The following FAM167A variants were observed in gnomAD, a reference collection of about 807,000 sequenced individuals.
The protein encoded by FAM167A is protein FAM167A.
Under a neutral mutation model 14.9 loss-of-function variants are expected in FAM167A, and 23 were observed. The observed-to-expected ratio is 1.55, with a 90% CI of 1.11 to 2.19. The LOEUF (loss-of-function observed/expected upper bound fraction) is 2.19, where lower values mean the gene tolerates loss of function less well. Among genes scored for constraint, FAM167A ranks in the 30% most tolerant of loss-of-function variants. The pLI is 0.00. For missense variants in FAM167A, 401 were observed against 281.5 expected, an observed-to-expected ratio of 1.42 and a Z score of -3.04; for synonymous variants, 174 against 117.7, an observed-to-expected ratio of 1.48 and a Z score of -3.10.
Position 11,440,252 on chromosome 8 carries a change from CG to C in FAM167A, c.381+3778del, listed in dbSNP as rs568468710. On this transcript the variant is annotated intron_variant, in intron 2 of 2. Coordinates refer to ENST00000284486, the MANE Select transcript of FAM167A (RefSeq NM_053279.3). Reference sequence around the variant, plus strand: ...GAGCCACACATCTCCAGCTCCGCCCCGGGGAGCCCAAGGTCAGGCCGTCTTA... The same window carrying C: ...GAGCCACACATCTCCAGCTCCGCCCCGGGAGCCCAAGGTCAGGCCGTCTTA... Among the ~76,000 whole-genome samples, 147 of 152,316 alleles carry C rather than the reference CG, an allele frequency of 9.7e-4. 1 individual carries two copies. Among genetic ancestry groups the C allele is most frequent in the Non-Finnish European group, 1.7e-3 (113 of 68,018 alleles).
At chr8:11,425,276 G>A (rs1209581651) in intron 2 of FAM167A, among the ~76,000 whole-genome samples, 1 of 152,162 alleles carries the variant, frequency 6.6e-6, no homozygotes, top group African/African-American at 2.4e-5. Flanking sequence ...GTGAAGTGAT[G>A]TCACCATCAT....
intron 2 of FAM167A, among the ~76,000 whole-genome samples, chr8:11,433,265 C>T (rs1448763484): frequency 6.6e-6 from 1 of 152,078 alleles, no homozygotes; most frequent in Non-Finnish European, 1.5e-5. Context: ...GCACAAGGAG[C>T]AACTCTATGA....
chr8:11,468,600 C>G (rs1807859338), upstream of FAM167A, among the ~76,000 whole-genome samples: 1 of 111,016 alleles, frequency 9.0e-6, no homozygotes, highest in Non-Finnish European at 2.3e-5. Flanking sequence ...CTGTTTCTGA[C>G]CACAGCCCCG....
At chr8:11,461,191 C>T (rs946082638) in intron 1 of FAM167A, among the ~76,000 whole-genome samples, 6 of 152,192 alleles carry the variant, frequency 3.9e-5, no homozygotes, top group Admixed American at 2.0e-4. Flanking sequence ...GACGCCCAGT[C>T]GCTGGTGTGT....
chr8:11,455,608 G>A (rs992650196), intron 1 of FAM167A, among the ~76,000 whole-genome samples: 35 of 146,286 alleles, frequency 2.4e-4, no homozygotes, highest in Non-Finnish European at 4.9e-4. Context: ...TCACCTGAGT[G>A]TGAGTGTGCA....
At chr8:11,431,921 G>T (rs1246970274) in intron 2 of FAM167A, among the ~76,000 whole-genome samples, 1 of 102,096 alleles carries the variant, frequency 9.8e-6, no homozygotes, top group Admixed American at 8.9e-5. Context: ...AAAAAAAAAG[G>T]ATTTTGTTCT....
intron 1 of FAM167A, among the ~76,000 whole-genome samples, chr8:11,474,933 G>A (rs112840918): frequency 0.011 from 1,743 of 152,176 alleles, 12 homozygotes; most frequent in Non-Finnish European, 0.017. Context: ...AGGGAGAAGG[G>A]AGGCAAAAGG....
At chr8:11,426,016 T>C (rs1231861893) in intron 2 of FAM167A, among the ~76,000 whole-genome samples, 2 of 152,140 alleles carry the variant, frequency 1.3e-5, no homozygotes, top group African/African-American at 4.8e-5. Context: ...AAAAGAGATA[T>C]TTACCATCTA....
chr8:11,445,256 C>T (rs573947034), intron 1 of FAM167A: 153 of 985,420 alleles, frequency 1.6e-4, no homozygotes, highest in Middle Eastern at 1.0e-3. Flanking sequence ...AGCCAGCCAG[C>T]AGGGAAACCG....
chr8:11,424,173 A>G lies in FAM167A; in HGVS notation c.*200T>C. On this transcript the variant is annotated 3_prime_UTR_variant, in exon 3 of 3. Transcript: ENST00000284486. ...GCTCTTTGGGTAGTAAGCAAGAGCCAGTCACAGAGACACTGGCATCCACAC... is the reference window on the plus strand; with the variant it reads ...GCTCTTTGGGTAGTAAGCAAGAGCCGGTCACAGAGACACTGGCATCCACAC... The G allele has an allele frequency of 1.6e-6, 1 of 625,412 alleles. No individual in the cohort carries two copies. The allele number at this position is 625,412 out of a possible 1,614,324, so 38.7% of individuals were successfully genotyped here. A position where few individuals can be genotyped will look rare whatever the true frequency, so the allele number is the denominator to read the frequency against.
At chr8:11,462,303 T>C (rs186506215) in intron 1 of FAM167A, among the ~76,000 whole-genome samples, 1 of 152,362 alleles carries the variant, frequency 6.6e-6, no homozygotes, top group Admixed American at 6.5e-5. Context: ...ACTAGTTCTA[T>C]GACCTTGATC....
upstream of FAM167A, among the ~76,000 whole-genome samples, chr8:11,471,441 A>AT (rs1807958229): frequency 6.6e-6 from 1 of 152,096 alleles, no homozygotes; most frequent in Admixed American, 6.5e-5. Flanking sequence ...GCTCAAGGTG[A>AT]TGAGGCCCCC....
intron 2 of FAM167A, among the ~76,000 whole-genome samples, chr8:11,437,447 A>G (rs1806103927): frequency 6.6e-6 from 1 of 152,128 alleles, no homozygotes; most frequent in Non-Finnish European, 1.5e-5. Context: ...GGGATTTATC[A>G]TTTTACAATC....
At chr8:11,449,794 G>A (rs539115233) in intron 1 of FAM167A, among the ~76,000 whole-genome samples, 2 of 152,310 alleles carry the variant, frequency 1.3e-5, no homozygotes, top group Admixed American at 6.5e-5. Context: ...GGCCCACAGC[G>A]GCTCCTTGGA....
At chr8:11,466,778 T>TG (rs1744293131), upstream of FAM167A, 1 of 9,278 alleles carries the variant, frequency 1.1e-4, no homozygotes, top group African/African-American at 2.1e-4. Flanking sequence ...CGGAAAGGAC[T>TG]TTTTTTTTCC....
Position 11,458,536 on chromosome 8 carries a change from C to G in FAM167A, c.-398+8090G>C, listed in dbSNP as rs556037297. ...ATCACCCCTGCCCCAGGAACACTCA[C>G]GACACCTAGAAAGAGACGTTCATTT... is the stretch of plus-strand genomic sequence containing the variant. On this transcript the variant is annotated intron_variant, in intron 1 of 2. Coordinates refer to ENST00000284486, the MANE Select transcript of FAM167A (RefSeq NM_053279.3). Among the ~76,000 whole-genome samples the G allele has an allele frequency of 2.1e-3, 314 of 152,292 alleles. No individual in the cohort carries two copies. The Middle Eastern group carries it at 0.027, about 13-fold the overall frequency.
chr8:11,448,653 T>C (rs1012791397), intron 1 of FAM167A, among the ~76,000 whole-genome samples: 2 of 152,236 alleles, frequency 1.3e-5, no homozygotes, highest in South Asian at 2.1e-4. Flanking sequence ...TAGTGGAGTC[T>C]GTTCTGCCAT....
chr8:11,444,881 C>T (rs939890817), intron 1 of FAM167A, 73 bp from the exon 2 acceptor site: 99 of 969,790 alleles, frequency 1.0e-4, no homozygotes, highest in Non-Finnish European at 1.2e-4. Flanking sequence ...GTCCACTCCA[C>T]AGGAGGGGAA....
At chr8:11,461,865 G>A (rs1405990360) in intron 1 of FAM167A, among the ~76,000 whole-genome samples, 2 of 152,186 alleles carry the variant, frequency 1.3e-5, no homozygotes, top group East Asian at 1.9e-4. Context: ...GGCCTTTCAC[G>A]GTGTTCCCTG....
Sources: gnomAD v4.1 joint callset for allele counts (sites outside exome capture counted in the v4.1 genomes callset) on GRCh38, gnomAD v4.1.1 for gene constraint, MANE v1.5 for transcripts, NCBI Gene and HGNC (gene_info 2026-07-23, HGNC 2026-07-21) for gene names.